The following KHDRBS3 variants were observed in gnomAD, a reference collection of about 807,000 sequenced individuals.
KHDRBS3 encodes the protein KH RNA binding domain containing, signal transduction associated 3, also known as KH domain-containing, RNA-binding, signal transduction-associated protein 3.
A neutral mutation model predicts 45.6 loss-of-function variants in KHDRBS3; 23 were observed. The observed-to-expected ratio is 0.50, with a 90% CI of 0.36 to 0.72. The LOEUF is 0.72. KHDRBS3 is among the 30% of genes least tolerant of loss of function. The pLI, the probability that KHDRBS3 is intolerant of heterozygous loss-of-function variation, is 0.00. For synonymous variants in KHDRBS3, 162 were observed against 156.5 expected (o/e 1.04, Z -0.26); for missense variants, 352 against 424.8 (o/e 0.83, Z 1.51).
rs1010595384 is a variant in KHDRBS3 at position 135,512,430 on chromosome 8, G to A, written c.89-8807G>A. ...AAGAGTTAAGGTGTTTGGAAAAGTC[G>A]GGGGGGGGGTAATAACTCTATTGAT... On this transcript the variant is annotated intron_variant, in intron 1 of 8. Coordinates refer to ENST00000355849, the MANE Select transcript of KHDRBS3 (RefSeq NM_006558.3). Among the ~76,000 whole-genome samples the A allele has an allele frequency of 2.0e-3, 25 of 12,686 alleles. 2 individuals carry two copies. Among genetic ancestry groups the A allele is most frequent in the Admixed American group, 2.6e-3 (3 of 1,140 alleles). 8.3% of individuals were successfully genotyped at this position (12,686 alleles called of 152,430 possible). A position where few individuals can be genotyped will look rare whatever the true frequency, so the allele number is the denominator to read the frequency against.
chr8:135,463,639 A>C (rs1563695026), intron 1 of KHDRBS3, among the ~76,000 whole-genome samples: 1 of 152,160 alleles, frequency 6.6e-6, no homozygotes, highest in Non-Finnish European at 1.5e-5. Flanking sequence ...ACAGATTAAA[A>C]ACAGAATTTT....
At chr8:135,482,071 G>A (rs1035934953) in intron 1 of KHDRBS3, among the ~76,000 whole-genome samples, 1 of 152,184 alleles carries the variant, frequency 6.6e-6, no homozygotes, top group Non-Finnish European at 1.5e-5. Flanking sequence ...TCAGCATAAT[G>A]ATCTAAACAG....
intron 1 of KHDRBS3, among the ~76,000 whole-genome samples, chr8:135,501,862 C>T (rs1823751527): frequency 6.6e-6 from 1 of 152,122 alleles, no homozygotes. Context: ...GCTTTTTGCA[C>T]TCTTCGGTCC....
chr8:135,621,423 C>T (rs1830134305), intron 7 of KHDRBS3, among the ~76,000 whole-genome samples: 1 of 152,200 alleles, frequency 6.6e-6, no homozygotes, highest in Admixed American at 6.5e-5. Flanking sequence ...CTGCAAACAA[C>T]TATTGAAACC....
At chr8:135,497,199 T>C (rs1004121544) in intron 1 of KHDRBS3, among the ~76,000 whole-genome samples, 1 of 152,192 alleles carries the variant, frequency 6.6e-6, no homozygotes, top group African/African-American at 2.4e-5. Context: ...TTAGAGCCCA[T>C]TGGTATCGTC....
intron 5 of KHDRBS3, among the ~76,000 whole-genome samples, chr8:135,580,936 T>C (rs951036255): frequency 7.2e-5 from 11 of 152,216 alleles, no homozygotes; most frequent in African/African-American, 2.7e-4. Flanking sequence ...TTTCTGATAT[T>C]GGTGTTTGGG....
intron 2 of KHDRBS3, among the ~76,000 whole-genome samples, chr8:135,536,895 G>GC (rs1233438331): frequency 6.9e-6 from 1 of 144,274 alleles, no homozygotes; most frequent in Non-Finnish European, 1.5e-5. Flanking sequence ...GGGAAGCGGA[G>GC]CTTGCAGTGA....
intron 1 of KHDRBS3, among the ~76,000 whole-genome samples, chr8:135,496,153 T>C (rs930656375): frequency 7.5e-6 from 1 of 132,812 alleles, no homozygotes; most frequent in African/African-American, 2.8e-5. Context: ...AAAGCAGAAG[T>C]AGGAAGGAAA....
intron 1 of KHDRBS3, among the ~76,000 whole-genome samples, chr8:135,517,884 A>AG (rs1824696398): frequency 6.6e-6 from 1 of 152,234 alleles, no homozygotes. Context: ...AGTGCATTCT[A>AG]GCAACTTAAG....
At chr8:135,610,022 A>G (rs1307063032) in intron 7 of KHDRBS3, among the ~76,000 whole-genome samples, 2 of 151,942 alleles carry the variant, frequency 1.3e-5, no homozygotes, top group Non-Finnish European at 2.9e-5. Context: ...AGATGTAGAA[A>G]CCAAGATGTA....
chr8:135,656,492 C>G (rs1172091471), exon 5 of KHDRBS3: 1 of 152,136 alleles, frequency 6.6e-6, no homozygotes, highest in Admixed American at 6.5e-5. Context: ...TAAAGGCTGC[C>G]TATTGAAATC....
At chr8:135,637,688 C>G (rs1830877002) in intron 7 of KHDRBS3, among the ~76,000 whole-genome samples, 1 of 151,978 alleles carries the variant, frequency 6.6e-6, no homozygotes, top group Non-Finnish European at 1.5e-5. Flanking sequence ...GTTTTCAGTC[C>G]CAGTGTTTGT....
intron 7 of KHDRBS3, among the ~76,000 whole-genome samples, chr8:135,610,262 C>T (rs1829656364): frequency 6.6e-6 from 1 of 151,892 alleles, no homozygotes; most frequent in Non-Finnish European, 1.5e-5. Context: ...TAATCTGTTA[C>T]TTATGTGTCT....
intron 1 of KHDRBS3, among the ~76,000 whole-genome samples, chr8:135,492,203 GTACTT>G (rs1196914418): frequency 2.6e-5 from 4 of 152,104 alleles, no homozygotes; most frequent in Admixed American, 6.6e-5. Flanking sequence ...GGATATGAAA[GTACTT>G]TAGGTAGTAG....
intron 7 of KHDRBS3, among the ~76,000 whole-genome samples, chr8:135,641,782 T>C (rs1466199997): frequency 6.6e-6 from 1 of 152,230 alleles, no homozygotes; most frequent in Non-Finnish European, 1.5e-5. Flanking sequence ...AAAGCTTTAA[T>C]TGAGTCTCAA....
At chr8:135,608,332 A>G (rs1829559258) in intron 7 of KHDRBS3, among the ~76,000 whole-genome samples, 1 of 152,216 alleles carries the variant, frequency 6.6e-6, no homozygotes, top group Non-Finnish European at 1.5e-5. Context: ...ATATTTCAGT[A>G]TGTAGTCTAA....
chr8:135,634,713 T>A (rs1830739698), intron 7 of KHDRBS3, among the ~76,000 whole-genome samples: 1 of 152,218 alleles, frequency 6.6e-6, no homozygotes, highest in South Asian at 2.1e-4. Flanking sequence ...GACTTTTTGC[T>A]GTCTGCCCCA....
At chr8:135,538,259 T>G (rs1825873697) in intron 2 of KHDRBS3, among the ~76,000 whole-genome samples, 1 of 152,114 alleles carries the variant, frequency 6.6e-6, no homozygotes, top group African/African-American at 2.4e-5. Context: ...AGTTCAGGGG[T>G]CTGGACAAAG....
intron 4 of KHDRBS3, among the ~76,000 whole-genome samples, chr8:135,653,862 TTCTC>T (rs1025275500): frequency 2.6e-5 from 4 of 152,236 alleles, no homozygotes; most frequent in Non-Finnish European, 2.9e-5. Flanking sequence ...AGTGTGATAT[TTCTC>T]TAACCATTAG....
Sources: allele counts gnomAD v4.1 joint callset (sites outside exome capture counted in the v4.1 genomes callset), GRCh38; gene constraint gnomAD v4.1.1; transcripts MANE v1.5; gene names NCBI Gene and HGNC (gene_info 2026-07-23, HGNC 2026-07-21).